AOPEP: variants seen among roughly 807,000 people sequenced by gnomAD.
The protein encoded by AOPEP is aminopeptidase O.
In AOPEP, 77 loss-of-function variants were observed where a neutral mutation model predicts 98.1. That is an observed-to-expected ratio of 0.78 (90% CI 0.65 to 0.95). The LOEUF (loss-of-function observed/expected upper bound fraction) is 0.95. AOPEP is among the 40% of genes least tolerant of loss of function. The pLI is 0.00. For missense variants in AOPEP, 1,024 were observed against 1,024.7 expected (o/e 1.00, Z 0.01); for synonymous variants, 346 against 365.3 (o/e 0.95, Z 0.60).
At chr9:95,082,518 C>T (rs935706565) in intron 15 of AOPEP, 57 bp from the exon 16 acceptor site, 88 of 1,584,500 alleles carry the variant, frequency 5.6e-5, no homozygotes, top group Admixed American at 2.9e-4. Flanking sequence ...CTCATGTGTG[C>T]GTGTGTGTGG....
chr9:94,952,237 G>A (rs62579887), intron 7 of AOPEP, among the ~76,000 whole-genome samples: 39 of 152,220 alleles, frequency 2.6e-4, no homozygotes, highest in African/African-American at 8.9e-4. Context: ...CTGCTCGCAA[G>A]TGTATGCTGT....
chr9:94,862,253 C>T (rs1415406682), intron 5 of AOPEP, among the ~76,000 whole-genome samples: 1 of 152,140 alleles, frequency 6.6e-6, no homozygotes, highest in African/African-American at 2.4e-5. Flanking sequence ...GCAGGACCCC[C>T]ACAGAAAAAC....
chr9:95,107,278 TAGTA>T, the AOPEP span: 1 of 1,612,908 alleles, frequency 6.2e-7, no homozygotes, highest in Non-Finnish European at 8.5e-7. Flanking sequence ...ACCTGGGCAA[TAGTA>T]TTTCACAGGG....
chr9:95,087,550 C>T (rs1283108609), downstream of AOPEP, among the ~76,000 whole-genome samples: 1 of 15,738 alleles, frequency 6.4e-5, no homozygotes, highest in South Asian at 1.4e-3. Context: ...TCTGGTGTTC[C>T]CCCCCCACCT....
intron 7 of AOPEP, among the ~76,000 whole-genome samples, chr9:94,937,108 G>A (rs955758546): frequency 3.9e-5 from 6 of 152,280 alleles, no homozygotes; most frequent in Admixed American, 2.0e-4. Flanking sequence ...TCCCCTCCCC[G>A]GAGATTGGGG....
intron 1 of AOPEP, among the ~76,000 whole-genome samples, chr9:94,727,896 C>A (rs1829573398): frequency 6.6e-6 from 1 of 152,132 alleles, no homozygotes; most frequent in South Asian, 2.1e-4. Context: ...TTCATACAAC[C>A]ACCTCGTGAG....
intron 3 of AOPEP, among the ~76,000 whole-genome samples, chr9:94,774,815 C>T (rs1841721510): frequency 6.6e-6 from 1 of 152,180 alleles, no homozygotes; most frequent in South Asian, 2.1e-4. Context: ...ATACATTCAT[C>T]TGTAGTTATG....
chr9:94,858,259 A>T (rs987718547), intron 5 of AOPEP, among the ~76,000 whole-genome samples: 3 of 152,174 alleles, frequency 2.0e-5, no homozygotes, highest in Non-Finnish European at 4.4e-5. Context: ...CGCTGTACAG[A>T]TGGGGGAAGT....
At chr9:95,015,306 C>G (rs1226265621) in intron 13 of AOPEP, among the ~76,000 whole-genome samples, 4 of 152,134 alleles carry the variant, frequency 2.6e-5, no homozygotes, top group Non-Finnish European at 5.9e-5. Flanking sequence ...TTTAAAAATT[C>G]ATCTATGTTT....
At chr9:95,137,832 G>A in the AOPEP span, among the ~76,000 whole-genome samples, 8 of 152,334 alleles carry the variant, frequency 5.3e-5, no homozygotes, top group African/African-American at 1.7e-4. Flanking sequence ...ATCAGAGCAC[G>A]AGAAGATACA....
chr9:94,956,540 T>C (rs1017215809), intron 9 of AOPEP, among the ~76,000 whole-genome samples: 1 of 152,252 alleles, frequency 6.6e-6, no homozygotes, highest in African/African-American at 2.4e-5. Context: ...TCACCAGTAC[T>C]TAGCACATGA....
chr9:95,094,434 A>C, the AOPEP span, among the ~76,000 whole-genome samples: 1 of 152,138 alleles, frequency 6.6e-6, no homozygotes, highest in South Asian at 2.1e-4. Context: ...CCGCCTGCAG[A>C]ACTTTTTCAT....
rs2059578919 is a variant in AOPEP at position 94,972,180 on chromosome 9, A to G, written c.1916+4379A>G. On this transcript the variant is annotated intron_variant, in intron 10 of 16. Transcript: ENST00000375315. The surrounding 1 kb of genome is among the most constrained non-coding windows in gnomAD (Gnocchi z 4.2). Reference sequence around the variant, plus strand: ...AGGCATACTTTAGAGTTGCCACAGAAAAGACTTGGTTGACTGGTTGTGAAA... The same window carrying G: ...AGGCATACTTTAGAGTTGCCACAGAGAAGACTTGGTTGACTGGTTGTGAAA... Among the ~76,000 whole-genome samples the G allele has an allele frequency of 6.6e-6, 1 of 152,226 alleles. No individual in the cohort carries two copies. Among genetic ancestry groups the G allele is most frequent in the African/African-American group, 2.4e-5 (1 of 41,458 alleles).
In AOPEP at chr9:94,928,433, C is replaced by G. The variant is rs2054724235; in HGVS notation, c.1563C>G (p.Pro521=). 6.5e-7 allele frequency: 1 copy of G among 1,547,752 alleles called. No homozygotes were observed. Among genetic ancestry groups the G allele is most frequent in the African/African-American group, 1.4e-5 (1 of 73,036 alleles). ...VFWATAQQLA[P]YEAREQQELR... is the part of the protein sequence containing the mutation. ...TGTCTGTGGCTGAGCAGCTGGCCCC[C>G]TATGAGGCCCGGGAGCAGCAGGAGC... The change falls in exon 7 of 17, where the codon CCC becomes CCG. Residue 521 remains proline (P), a synonymous_variant. Transcript: ENST00000375315.
the AOPEP span, among the ~76,000 whole-genome samples, chr9:95,134,155 G>A: frequency 6.6e-6 from 1 of 152,202 alleles, no homozygotes; most frequent in Non-Finnish European, 1.5e-5. Flanking sequence ...CGCCCTGGGA[G>A]GCCAAGGGGA....
chr9:94,876,303 AG>A (rs1036030312), intron 5 of AOPEP, among the ~76,000 whole-genome samples: 7 of 152,130 alleles, frequency 4.6e-5, no homozygotes, highest in Non-Finnish European at 1.0e-4. Context: ...TCCACCATTG[AG>A]GATGCCTGCA....
intron 2 of AOPEP, among the ~76,000 whole-genome samples, chr9:94,761,469 G>A (rs1242848299): frequency 6.6e-6 from 1 of 152,150 alleles, no homozygotes; most frequent in Non-Finnish European, 1.5e-5. Context: ...GAGCTTGGAT[G>A]GAGGAACGTT....
chr9:94,941,161 G>A lies in AOPEP; in HGVS notation c.1661+12630G>A, dbSNP rs2056970271. ...AACCTACATCTAGTCCAGCCCCTCT[G>A]AAGGGCAACCCTTGGGTCCCCTCTG... On this transcript the variant is annotated intron_variant, in intron 7 of 16. Transcript: ENST00000375315. Among the ~76,000 whole-genome samples, 3 of 152,210 alleles carry A rather than the reference G, an allele frequency of 2.0e-5. No individual in the cohort carries two copies. In the South Asian group the frequency reaches 6.2e-4, roughly 31 times the overall value.
At chr9:94,766,171 A>G (rs568795341) in intron 2 of AOPEP, among the ~76,000 whole-genome samples, 4 of 152,306 alleles carry the variant, frequency 2.6e-5, no homozygotes, top group Non-Finnish European at 5.9e-5. Flanking sequence ...CCTTTATTCA[A>G]AGTTGATGTG....
Sources: allele counts gnomAD v4.1 joint callset (sites outside exome capture counted in the v4.1 genomes callset), GRCh38; gene constraint gnomAD v4.1.1; non-coding constraint Gnocchi (gnomAD v3.1); transcripts MANE v1.5; gene names NCBI Gene and HGNC (gene_info 2026-07-23, HGNC 2026-07-21).